Variants in CAMK2A observed in about 807,000 individuals in gnomAD.
CAMK2A encodes the protein calcium/calmodulin-dependent protein kinase type II subunit alpha.
In CAMK2A, 7 loss-of-function variants were observed where a neutral mutation model predicts 79.2. That is an observed-to-expected ratio of 0.09 (90% CI 0.05 to 0.17). The LOEUF (loss-of-function observed/expected upper bound fraction) is 0.17. Ranked by LOEUF, CAMK2A falls within the 10% of genes least tolerant of loss-of-function variation. The probability of loss-of-function intolerance (pLI) is 1.00; values close to 1 mark genes in which losing one functional copy is unlikely to be tolerated. For synonymous variants in CAMK2A, 242 were observed against 251.7 expected, an observed-to-expected ratio of 0.96 and a Z score of 0.36; for missense variants, 214 against 646.4, an observed-to-expected ratio of 0.33 and a Z score of 7.25.
rs182822546 is a variant in CAMK2A at position 150,278,788 on chromosome 5, C to T, written c.63-5629G>A. Among the ~76,000 whole-genome samples, 37 of 152,164 alleles carry T rather than the reference C, an allele frequency of 2.4e-4. 1 individual carries two copies. Among genetic ancestry groups the T allele is most frequent in the Admixed American group, 4.6e-4 (7 of 15,288 alleles). The stretch of plus-strand genomic sequence containing the variant: ...CAAGGGGCGGGTGTCTGGCCATAGG[C>T]GTGTATTGGCAACCTGGTCTAGCCC... On this transcript the variant is annotated intron_variant, in intron 1 of 18. Coordinates refer to ENST00000671881, the MANE Select transcript of CAMK2A (RefSeq NM_015981.4).
chr5:150,265,844 A>C (rs901887546), intron 2 of CAMK2A, among the ~76,000 whole-genome samples: 1 of 151,632 alleles, frequency 6.6e-6, no homozygotes, highest in Non-Finnish European at 1.5e-5. Context: ...CAGGAGGCTG[A>C]GGCAGGAGAA....
chr5:150,249,175 A>C (rs1459165115), intron 11 of CAMK2A, among the ~76,000 whole-genome samples: 1 of 152,186 alleles, frequency 6.6e-6, no homozygotes. Flanking sequence ...CTCTTCCCTC[A>C]TCATCCCCAG....
intron 11 of CAMK2A, among the ~76,000 whole-genome samples, chr5:150,249,082 T>C (rs990239511): frequency 6.6e-6 from 1 of 152,192 alleles, no homozygotes; most frequent in Admixed American, 6.5e-5. Flanking sequence ...CCACCACCCC[T>C]TGGTCTGTGT....
At chr5:150,239,652 C>G in intron 14 of CAMK2A, 52 bp downstream of exon 14, 3 of 1,584,554 alleles carry the variant, frequency 1.9e-6, no homozygotes, top group South Asian at 1.1e-5. Flanking sequence ...GAGGCAGGAG[C>G]AAGGGTTCGA....
intron 11 of CAMK2A, among the ~76,000 whole-genome samples, 156 bp downstream of exon 11, chr5:150,250,070 C>T (rs374506172): frequency 2.0e-5 from 3 of 152,224 alleles, no homozygotes; most frequent in Non-Finnish European, 2.9e-5. Flanking sequence ...CGCTCACTCC[C>T]CAAGCCCAAC....
At chr5:150,258,345 C>G (rs920588109) in intron 3 of CAMK2A, among the ~76,000 whole-genome samples, 2 of 152,210 alleles carry the variant, frequency 1.3e-5, no homozygotes, top group Non-Finnish European at 2.9e-5. Context: ...AAGAGCAAGT[C>G]TCACAGGACA....
At chr5:150,249,517 T>G (rs1320703448) in intron 11 of CAMK2A, among the ~76,000 whole-genome samples, 7 of 151,786 alleles carry the variant, frequency 4.6e-5, no homozygotes, top group Middle Eastern at 3.2e-3. Context: ...CACAGGCTGC[T>G]TCCTCTGTCT....
At chr5:150,227,983 T>A (rs2114020641) in intron 17 of CAMK2A, among the ~76,000 whole-genome samples, 1 of 152,074 alleles carries the variant, frequency 6.6e-6, no homozygotes, top group African/African-American at 2.4e-5. Flanking sequence ...GCCTGCCCCA[T>A]CTTCAACCAC....
chr5:150,227,396 T>C (rs1472220353), intron 17 of CAMK2A, among the ~76,000 whole-genome samples: 12 of 152,224 alleles, frequency 7.9e-5, no homozygotes, highest in Admixed American at 7.9e-4. Flanking sequence ...GGTGCCCACA[T>C]ACACCCTAAA....
intron 1 of CAMK2A, among the ~76,000 whole-genome samples, chr5:150,278,605 T>C (rs541148614): frequency 7.9e-5 from 12 of 151,400 alleles, no homozygotes; most frequent in African/African-American, 2.4e-4. Context: ...TGGCCAAGAG[T>C]CCCAAGAGGA....
At chr5:150,265,133 A>G in intron 2 of CAMK2A, 118 bp from the exon 3 acceptor site, 1 of 758,850 alleles carries the variant, frequency 1.3e-6, no homozygotes, top group Non-Finnish European at 2.3e-6. Context: ...GGGGCTGGGA[A>G]AGCTCACCTT....
intron 6 of CAMK2A, among the ~76,000 whole-genome samples, chr5:150,254,207 T>C (rs1365391153): frequency 1.3e-5 from 2 of 152,194 alleles, no homozygotes; most frequent in Non-Finnish European, 2.9e-5. Flanking sequence ...CTCCTGTTGT[T>C]ACCTTCATAG....
chr5:150,286,012 TTCTC>T (rs1237519350), intron 1 of CAMK2A, among the ~76,000 whole-genome samples: 1 of 152,172 alleles, frequency 6.6e-6, no homozygotes, highest in Admixed American at 6.5e-5. Context: ...ATTCTTCCCT[TTCTC>T]AGAGAGGTCT....
At chr5:150,243,838 C>T (rs1755448911) in intron 13 of CAMK2A, among the ~76,000 whole-genome samples, 1 of 152,042 alleles carries the variant, frequency 6.6e-6, no homozygotes, top group Non-Finnish European at 1.5e-5. Flanking sequence ...AGCCGAGGTC[C>T]AGCTGCAGGC....
intron 18 of CAMK2A, 34 bp downstream of exon 18, chr5:150,222,955 A>G (rs1239472166): frequency 1.3e-6 from 2 of 1,585,366 alleles, no homozygotes; most frequent in South Asian, 1.1e-5. Flanking sequence ...CATCCTTTAC[A>G]TTACCCTGGG....
In CAMK2A at chr5:150,222,404, A is replaced by G. The variant is rs112896997; in HGVS notation, c.*306T>C. ...CATTCTAGCCTACAGCCCAAGACAG[A>G]TCAGGCGGACAGCAGCTGAGGCTGG... On this transcript the variant is annotated 3_prime_UTR_variant, in exon 19 of 19. Coordinates refer to ENST00000671881, the MANE Select transcript of CAMK2A (RefSeq NM_015981.4). 0.022 allele frequency: 14,917 copies of G among 669,112 alleles called. 1,147 individuals are homozygous for G. The highest frequency in any genetic ancestry group is 0.19 in the African/African-American group (10,618 of 56,796). The allele number at this position is 669,112 out of a possible 1,614,324, so 41.4% of individuals were successfully genotyped here. A position where few individuals can be genotyped will look rare whatever the true frequency, so the allele number is the denominator to read the frequency against.
intron 16 of CAMK2A, among the ~76,000 whole-genome samples, chr5:150,229,605 G>A (rs1754754828): frequency 6.6e-6 from 1 of 152,202 alleles, no homozygotes; most frequent in African/African-American, 2.4e-5. Flanking sequence ...GTCAGAGGAG[G>A]TGACATCACA....
rs757551617 is a variant in CAMK2A, at chr5:150,257,709, C to A, written c.218-92G>T. On this transcript the variant is annotated intron_variant, in intron 3 of 18. Coordinates refer to ENST00000671881, the MANE Select transcript of CAMK2A (RefSeq NM_015981.4). Reference sequence around the variant, plus strand: ...TCCCCTCCCGTGTATATCCAACACCCCCCGCTCCCAGACAGTCACTGAGTA... The same window carrying A: ...TCCCCTCCCGTGTATATCCAACACCACCCGCTCCCAGACAGTCACTGAGTA... The A allele has an allele frequency of 6.0e-6, 6 of 1,001,698 alleles. No individual in the cohort carries two copies. In the South Asian group the frequency reaches 6.9e-5, roughly 12 times the overall value. 62.1% of individuals were successfully genotyped at this position (1,001,698 alleles called of 1,614,324 possible).
intron 1 of CAMK2A, 78 bp from the exon 2 acceptor site, chr5:150,273,237 A>ACGCTAGACAGAAGCCCTT: frequency 9.3e-7 from 1 of 1,072,062 alleles, no homozygotes. Context: ...AGTTCACATC[A>ACGCTAGACAGAAGCCCTT]CTGCCCCACG....
Sources: gnomAD v4.1 joint callset for allele counts (sites outside exome capture counted in the v4.1 genomes callset) on GRCh38, gnomAD v4.1.1 for gene constraint, MANE v1.5 for transcripts, NCBI Gene and HGNC (gene_info 2026-07-23, HGNC 2026-07-21) for gene names.